NAV2: variants seen among roughly 807,000 people sequenced by gnomAD.
The protein encoded by NAV2 is helicase, APC down-regulated 1.
Under a neutral mutation model 223.2 loss-of-function variants are expected in NAV2, and 54 were observed. That is an observed-to-expected ratio of 0.24 (90% confidence interval 0.19 to 0.30). NAV2 has a LOEUF of 0.30. Ranked by LOEUF, NAV2 falls within the 10% of genes least tolerant of loss-of-function variation. The pLI is 1.00. For missense variants in NAV2, 2,806 were observed against 3,147.5 expected (o/e 0.89, Z 2.60); for synonymous variants, 1,279 against 1,239.3 (o/e 1.03, Z -0.67).
chr11:19,852,543 T>C (rs1651772138), intron 3 of NAV2, among the ~76,000 whole-genome samples: 1 of 152,232 alleles, frequency 6.6e-6, no homozygotes. Flanking sequence ...TAGAAGTGAA[T>C]ATTGCATCTT....
At chr11:19,895,822 C>A (rs527239884) in intron 6 of NAV2, among the ~76,000 whole-genome samples, 1 of 152,228 alleles carries the variant, frequency 6.6e-6, no homozygotes, top group East Asian at 1.9e-4. Context: ...CCTTGGTTTC[C>A]CTTGAGTCTG....
chr11:19,399,814 G>A (rs539762542), intron 1 of NAV2, among the ~76,000 whole-genome samples: 87 of 152,310 alleles, frequency 5.7e-4, no homozygotes, highest in Middle Eastern at 3.4e-3. Flanking sequence ...ACCACATATA[G>A]GGTGCTGCCC....
chr11:19,801,542 T>C (rs2058255548), intron 1 of NAV2, among the ~76,000 whole-genome samples: 1 of 152,216 alleles, frequency 6.6e-6, no homozygotes, highest in East Asian at 1.9e-4. Context: ...AGCAAGGCAG[T>C]TTCGGCCTCC....
chr11:19,796,886 A>G (rs989122998), intron 1 of NAV2, among the ~76,000 whole-genome samples: 1 of 152,084 alleles, frequency 6.6e-6, no homozygotes, highest in African/African-American at 2.4e-5. Flanking sequence ...TAGTCTCCCC[A>G]TGGCTCTATT....
chr11:19,816,855 CT>C (rs2059116477), intron 1 of NAV2, among the ~76,000 whole-genome samples: 1 of 152,136 alleles, frequency 6.6e-6, no homozygotes, highest in African/African-American at 2.4e-5. Flanking sequence ...TTTTCAGGCC[CT>C]TCCGCCTCCC....
intron 1 of NAV2, among the ~76,000 whole-genome samples, chr11:19,776,252 G>A (rs1206238633): frequency 2.0e-5 from 3 of 152,164 alleles, no homozygotes; most frequent in East Asian, 3.9e-4. Context: ...TCAGGATACC[G>A]AAAGTTGCTG....
chr11:19,643,463 C>T (rs1442508702), intron 1 of NAV2, among the ~76,000 whole-genome samples: 3 of 152,186 alleles, frequency 2.0e-5, no homozygotes, highest in African/African-American at 7.2e-5. Flanking sequence ...TAGTTTCCAG[C>T]TTCATCCGTG....
Position 20,062,356 on chromosome 11 carries a change from T to C in NAV2, c.4881T>C (p.Ser1627=), listed in dbSNP as rs927616827. Residue 1627 remains serine, a synonymous_variant, in exon 20 of 38, where the codon TCT becomes TCC. Transcript: ENST00000349880. ...SLVSSTSSVY[S]TPEEKCQSEI... ...TTTCCAGCACATCGTCAGTTTATTC[T>C]ACAGTGAGTATAAATCAATGCTGTG... The C allele has an allele frequency of 6.2e-7, 1 of 1,610,358 alleles. No individual in the cohort carries two copies. Among genetic ancestry groups the C allele is most frequent in the South Asian group, 1.1e-5 (1 of 90,934 alleles).
At chr11:19,703,416 CA>C (rs1565180499) in intron 1 of NAV2, among the ~76,000 whole-genome samples, 1 of 152,160 alleles carries the variant, frequency 6.6e-6, no homozygotes, top group African/African-American at 2.4e-5. Context: ...CAGCAGTAAC[CA>C]AAAGAGGAAA....
Position 19,618,492 on chromosome 11 carries a change from AGATGGATGGATGGATG to A in NAV2, c.76-213958_76-213943del, listed in dbSNP as rs72080375. On this transcript the variant is annotated intron_variant, in intron 1 of 37. Coordinates refer to the NAV2 transcript ENST00000360655. Reference sequence around the variant, plus strand: ...TGAATGGCTATATGGCTGTCTGGATAGATGGATGGATGGATGGATGGATGGATGGATGGATGGATGG... The same window carrying A: ...TGAATGGCTATATGGCTGTCTGGATAGATGGATGGATGGATGGATGGATGG... Among the ~76,000 whole-genome samples, 19 of 137,102 alleles carry A rather than the reference AGATGGATGGATGGATG, an allele frequency of 1.4e-4. No individual in the cohort carries two copies. The East Asian group carries it at 1.6e-3, about 11-fold the overall frequency. 89.9% of individuals were successfully genotyped at this position (137,102 alleles called of 152,430 possible). A position where few individuals can be genotyped will look rare whatever the true frequency, so the allele number is the denominator to read the frequency against.
At chr11:19,827,826 C>G (rs1425835349) in intron 1 of NAV2, among the ~76,000 whole-genome samples, 2 of 152,146 alleles carry the variant, frequency 1.3e-5, no homozygotes, top group African/African-American at 4.8e-5. Flanking sequence ...AGTGTTTGCT[C>G]CTGGTGTGGT....
chr11:19,631,978 G>A (rs1274674984), intron 1 of NAV2, among the ~76,000 whole-genome samples: 1 of 152,242 alleles, frequency 6.6e-6, no homozygotes, highest in African/African-American at 2.4e-5. Flanking sequence ...CTCATTGTTT[G>A]TTTGCATTCC....
At chr11:19,440,712 G>T (rs1227581258) in intron 1 of NAV2, among the ~76,000 whole-genome samples, 1 of 152,102 alleles carries the variant, frequency 6.6e-6, no homozygotes, top group Non-Finnish European at 1.5e-5. Flanking sequence ...GAACCTGACT[G>T]CCCAGTCTAC....
chr11:19,748,427 A>G (rs752334393), intron 1 of NAV2, among the ~76,000 whole-genome samples: 33 of 152,212 alleles, frequency 2.2e-4, no homozygotes, highest in South Asian at 4.1e-4. Context: ...AAGTGTCACA[A>G]TCTAGGCTGG....
intron 5 of NAV2, chr11:19,884,145 A>G: frequency 1.7e-6 from 1 of 576,790 alleles, no homozygotes; most frequent in Non-Finnish European, 3.1e-6. Flanking sequence ...GAGACCTAGA[A>G]AGAAAGCTGT....
At chr11:19,417,283 A>T (rs3110087) in intron 1 of NAV2, among the ~76,000 whole-genome samples, 106,389 of 152,042 alleles carry the variant, frequency 0.7, 37,290 homozygotes, top group Admixed American at 0.73. Context: ...AAGTGGGCAA[A>T]GGATATGAAC....
At chr11:19,351,339 T>C (rs1043340621) in intron 1 of NAV2, among the ~76,000 whole-genome samples, 4 of 152,244 alleles carry the variant, frequency 2.6e-5, no homozygotes, top group African/African-American at 9.6e-5. Context: ...TTCTTTGTAC[T>C]GAAGCCCCCT....
intron 5 of NAV2, chr11:19,884,378 T>C (rs756616934): frequency 1.2e-6 from 2 of 1,607,704 alleles, no homozygotes; most frequent in African/African-American, 1.3e-5. Context: ...ACTTTCTCTG[T>C]GTCCTGCAAA....
chr11:19,533,801 G>A lies in NAV2; in HGVS notation c.75+182774G>A, dbSNP rs1359956408. 1.3e-4 allele frequency among the ~76,000 whole-genome samples: 17 copies of A among 132,716 alleles called. 1 individual carries two copies. Among genetic ancestry groups the A allele is most frequent in the Admixed American group, 1.2e-3 (17 of 14,598 alleles). The allele number at this position is 132,716 out of a possible 152,430, so 87.1% of individuals were successfully genotyped here. ...GGCTCACTGCAAGCTCCGCCTCCCG[G>A]GTTCACGCCATTCTCCTGCCTCAGC... On this transcript the variant is annotated intron_variant, in intron 1 of 37. Coordinates refer to the NAV2 transcript ENST00000360655.
Sources: gnomAD v4.1 joint callset for allele counts (sites outside exome capture counted in the v4.1 genomes callset) on GRCh38, gnomAD v4.1.1 for gene constraint, MANE v1.5 for transcripts, NCBI Gene and HGNC (gene_info 2026-07-23, HGNC 2026-07-21) for gene names.